The following SLC25A12 variants were observed in gnomAD, a reference collection of about 807,000 sequenced individuals.
The protein encoded by SLC25A12 is solute carrier family 25 member 12, also known as electrogenic aspartate/glutamate antiporter SLC25A12, mitochondrial.
Under a neutral mutation model 83.3 loss-of-function variants are expected in SLC25A12, and 32 were observed. That is an observed-to-expected ratio of 0.38 (90% CI 0.29 to 0.52). The LOEUF is 0.52. Ranked by LOEUF, SLC25A12 falls within the 20% of genes least tolerant of loss-of-function variation. The pLI, the probability that SLC25A12 is intolerant of heterozygous loss-of-function variation, is 0.84. For synonymous variants in SLC25A12, 267 were observed against 291.1 expected (o/e 0.92, Z 0.84); for missense variants, 611 against 835.6 (o/e 0.73, Z 3.31).
chr2:171,843,234 G>A (rs541049438), intron 5 of SLC25A12, among the ~76,000 whole-genome samples: 2 of 152,322 alleles, frequency 1.3e-5, no homozygotes, highest in East Asian at 3.9e-4. Flanking sequence ...TACCTAATGT[G>A]TTTTAAACGC....
chr2:171,807,255 C>T (rs1558913530), intron 13 of SLC25A12, among the ~76,000 whole-genome samples: 2 of 152,146 alleles, frequency 1.3e-5, no homozygotes, highest in African/African-American at 4.8e-5. Flanking sequence ...ATTTTTCATG[C>T]TGTCAATTTC....
At chr2:171,808,930 C>G (rs1213446242) in intron 13 of SLC25A12, among the ~76,000 whole-genome samples, 1 of 151,258 alleles carries the variant, frequency 6.6e-6, no homozygotes, top group Admixed American at 6.6e-5. Context: ...GTTCAATTCC[C>G]ACCTATGAGT....
At chr2:171,815,992 A>G (rs1024630286) in intron 9 of SLC25A12, among the ~76,000 whole-genome samples, 1 of 151,872 alleles carries the variant, frequency 6.6e-6, no homozygotes, top group Admixed American at 6.6e-5. Context: ...ACAAAAATAG[A>G]AATTATAGAA....
chr2:171,884,877 A>G (rs1002940198), intron 2 of SLC25A12, among the ~76,000 whole-genome samples: 1 of 152,132 alleles, frequency 6.6e-6, no homozygotes, highest in Non-Finnish European at 1.5e-5. Context: ...ATAAAGGTAG[A>G]ACCTAGTACA....
chr2:171,862,126 C>T (rs1685176492), intron 3 of SLC25A12, among the ~76,000 whole-genome samples: 1 of 151,938 alleles, frequency 6.6e-6, no homozygotes, highest in South Asian at 2.1e-4. Flanking sequence ...GCCTGTGTAA[C>T]ATAAAGGAAA....
chr2:171,838,632 T>C (rs1684610139), intron 5 of SLC25A12, among the ~76,000 whole-genome samples: 1 of 152,186 alleles, frequency 6.6e-6, no homozygotes, highest in African/African-American at 2.4e-5. Context: ...ATGTGGACCT[T>C]TACCTTCAAG....
chr2:171,829,578 C>T (rs918844318), intron 8 of SLC25A12, among the ~76,000 whole-genome samples: 7 of 152,138 alleles, frequency 4.6e-5, no homozygotes, highest in African/African-American at 1.7e-4. Context: ...GCCCTGCTAT[C>T]CCTTAGGGAA....
intron 13 of SLC25A12, among the ~76,000 whole-genome samples, 155 bp from the exon 14 acceptor site, chr2:171,793,922 G>C (rs1029390195): frequency 6.6e-6 from 1 of 152,174 alleles, no homozygotes; most frequent in African/African-American, 2.4e-5. Flanking sequence ...TTGACACTTA[G>C]GCCAACCCTG....
Position 171,868,364 on chromosome 2 carries a change from A to AGTGCAGCAGCTCGATCTCG in SLC25A12, c.209+298_209+316dup, listed in dbSNP as rs533747706. 1.7e-3 allele frequency among the ~76,000 whole-genome samples: 248 copies of AGTGCAGCAGCTCGATCTCG among 146,752 alleles called. 4 individuals carry two copies. The highest frequency in any genetic ancestry group is 0.014 in the Middle Eastern group (4 of 282). On this transcript the variant is annotated intron_variant, in intron 3 of 17. Transcript: ENST00000422440. ...GTTTCGCTCTGGTTGCCCAGGCTGA[A>AGTGCAGCAGCTCGATCTCG]GTGCAGCAGCTCGATCTCGGCGCAC...
chr2:171,884,462 G>A (rs943126560), intron 2 of SLC25A12, among the ~76,000 whole-genome samples: 2 of 150,352 alleles, frequency 1.3e-5, no homozygotes, highest in Non-Finnish European at 3.0e-5. Context: ...TGTCCACCTC[G>A]CCCCTAGAAT....
chr2:171,820,741 A>AG (rs1426027617), intron 9 of SLC25A12, among the ~76,000 whole-genome samples: 2 of 151,358 alleles, frequency 1.3e-5, no homozygotes, highest in African/African-American at 2.4e-5. Flanking sequence ...AAAAAAAAAA[A>AG]AAAGAAAAAG....
intron 2 of SLC25A12, among the ~76,000 whole-genome samples, chr2:171,877,482 T>C (rs965754001): frequency 1.3e-5 from 2 of 151,902 alleles, no homozygotes; most frequent in Non-Finnish European, 2.9e-5. Context: ...CTGGCCAACA[T>C]AGCGAAACCC....
chr2:171,875,548 T>C (rs1490896555), intron 2 of SLC25A12, among the ~76,000 whole-genome samples: 1 of 152,072 alleles, frequency 6.6e-6, no homozygotes, highest in Non-Finnish European at 1.5e-5. Context: ...TTTGGTACCA[T>C]GTTCACTATC....
intron 2 of SLC25A12, among the ~76,000 whole-genome samples, chr2:171,883,704 T>C (rs1266749326): frequency 6.6e-6 from 1 of 152,156 alleles, no homozygotes; most frequent in Non-Finnish European, 1.5e-5. Flanking sequence ...TTCACCCTCA[T>C]TCCCTTTTAG....
chr2:171,824,871 C>T (rs1684268019), intron 9 of SLC25A12, among the ~76,000 whole-genome samples: 1 of 151,848 alleles, frequency 6.6e-6, no homozygotes, highest in Non-Finnish European at 1.5e-5. Context: ...GTAGCACAGT[C>T]ACGCTCACTG....
At chr2:171,871,788 A>G in intron 2 of SLC25A12, 1 of 967,956 alleles carries the variant, frequency 1.0e-6, no homozygotes, top group Non-Finnish European at 1.2e-6. Context: ...AATAAAGTTC[A>G]GACTCTTCTG....
intron 5 of SLC25A12, among the ~76,000 whole-genome samples, chr2:171,842,305 T>C (rs138304095): frequency 1.1e-3 from 173 of 151,860 alleles, no homozygotes; most frequent in Middle Eastern, 3.4e-3. Context: ...AAAGTTCATA[T>C]TGTTTGGCCA....
At chr2:171,887,217 G>A (rs1204570644) in intron 2 of SLC25A12, among the ~76,000 whole-genome samples, 2 of 152,176 alleles carry the variant, frequency 1.3e-5, no homozygotes, top group East Asian at 1.9e-4. Flanking sequence ...ATCGCCCTTT[G>A]CTTTACATTA....
At chr2:171,789,470 T>C (rs564665725) in intron 15 of SLC25A12, among the ~76,000 whole-genome samples, 195 of 152,204 alleles carry the variant, frequency 1.3e-3, no homozygotes, top group Middle Eastern at 3.4e-3. Flanking sequence ...CCTCGTGATC[T>C]GCCCGCCTTG....
Sources: allele counts gnomAD v4.1 joint callset (sites outside exome capture counted in the v4.1 genomes callset), GRCh38; gene constraint gnomAD v4.1.1; transcripts MANE v1.5; gene names NCBI Gene and HGNC (gene_info 2026-07-23, HGNC 2026-07-21).